ATE1: variants seen among roughly 807,000 people sequenced by gnomAD.
ATE1 encodes arginyltransferase 1.
Under a neutral mutation model 70.5 loss-of-function variants are expected in ATE1, and 36 were observed. That is an observed-to-expected ratio of 0.51 (90% CI 0.39 to 0.67). The LOEUF (loss-of-function observed/expected upper bound fraction) is 0.67. ATE1 is among the 30% of genes least tolerant of loss of function. The probability of loss-of-function intolerance (pLI) is 0.00; values close to 1 mark genes in which losing one functional copy is unlikely to be tolerated. For missense variants in ATE1, 593 were observed against 629.5 expected (o/e 0.94, Z 0.62); for synonymous variants, 232 against 219.3 (o/e 1.06, Z -0.51).
intron 7 of ATE1, among the ~76,000 whole-genome samples, chr10:121,870,262 T>TA (rs2134020224): frequency 6.6e-6 from 1 of 152,332 alleles, no homozygotes; most frequent in East Asian, 1.9e-4. Flanking sequence ...TAAATATTCT[T>TA]AAAAATCTAT....
chr10:121,766,187 G>A (rs1197135780), intron 11 of ATE1, among the ~76,000 whole-genome samples: 1 of 152,082 alleles, frequency 6.6e-6, no homozygotes, highest in Non-Finnish European at 1.5e-5. Flanking sequence ...AGTTTTACCA[G>A]GCAGTAAATT....
chr10:121,907,903 T>A (rs1951265666), intron 5 of ATE1, among the ~76,000 whole-genome samples: 1 of 151,928 alleles, frequency 6.6e-6, no homozygotes, highest in African/African-American at 2.4e-5. Flanking sequence ...TAATGTGCAC[T>A]CCTAATCTAG....
chr10:121,745,143 A>G (rs533663694), intron 11 of ATE1, among the ~76,000 whole-genome samples: 3 of 152,316 alleles, frequency 2.0e-5, no homozygotes, highest in South Asian at 4.1e-4. Flanking sequence ...TTAACCCAAT[A>G]TTACCTTAGG....
chr10:121,801,504 G>A (rs907010739), intron 10 of ATE1, among the ~76,000 whole-genome samples: 1 of 151,670 alleles, frequency 6.6e-6, no homozygotes, highest in Non-Finnish European at 1.5e-5. Flanking sequence ...AAGTTGAAAA[G>A]GATTTTTAAA....
At position 121,925,548 on chromosome 10, in the gene ATE1, C is replaced by T. The variant is rs893082425; in HGVS notation, c.107-1219G>A. On this transcript the variant is annotated intron_variant, in intron 1 of 11. Transcript: ENST00000224652. Reference sequence around the variant, plus strand: ...ATAATCACGCAACTATGAAAAAAAACGAAGACTATGAGGAAACATTTAAAG... The same window carrying T: ...ATAATCACGCAACTATGAAAAAAAATGAAGACTATGAGGAAACATTTAAAG... Among the ~76,000 whole-genome samples the T allele has an allele frequency of 2.0e-5, 3 of 151,268 alleles. No individual in the cohort carries two copies. The East Asian group carries it at 5.8e-4, about 29-fold the overall frequency.
chr10:121,743,914 T>TC, intron 11 of ATE1, 56 bp from the exon 12 acceptor site: 1 of 1,394,804 alleles, frequency 7.2e-7, no homozygotes, highest in Non-Finnish European at 9.5e-7. Context: ...ACTTTTTGTT[T>TC]CCTTTTTTTT....
intron 11 of ATE1, among the ~76,000 whole-genome samples, chr10:121,751,633 C>A (rs1185628687): frequency 6.6e-6 from 1 of 152,100 alleles, no homozygotes; most frequent in Non-Finnish European, 1.5e-5. Flanking sequence ...CTGTTTAAAT[C>A]ATTTGCCCAT....
chr10:121,758,849 TG>T (rs1052513017), intron 11 of ATE1, among the ~76,000 whole-genome samples: 2 of 152,194 alleles, frequency 1.3e-5, no homozygotes, highest in African/African-American at 4.8e-5. Flanking sequence ...GTAATTGGTT[TG>T]GGGTATCACA....
intron 11 of ATE1, among the ~76,000 whole-genome samples, chr10:121,754,961 G>A (rs1944733768): frequency 6.6e-6 from 1 of 152,098 alleles, no homozygotes; most frequent in Non-Finnish European, 1.5e-5. Flanking sequence ...AGAAATACTT[G>A]ATGAACACAA....
At chr10:121,835,715 T>G (rs530473540) in intron 10 of ATE1, among the ~76,000 whole-genome samples, 2 of 152,290 alleles carry the variant, frequency 1.3e-5, no homozygotes, top group Admixed American at 6.5e-5. Context: ...GCCCTTATCT[T>G]TTAGAAATAC....
At chr10:121,833,318 G>A (rs1355579561) in intron 10 of ATE1, among the ~76,000 whole-genome samples, 1 of 151,510 alleles carries the variant, frequency 6.6e-6, no homozygotes, top group Non-Finnish European at 1.5e-5. Flanking sequence ...AAAAAAAGAA[G>A]GCATTTCTCA....
chr10:121,892,281 A>T (rs1950606380), intron 7 of ATE1, among the ~76,000 whole-genome samples: 2 of 152,082 alleles, frequency 1.3e-5, no homozygotes, highest in Admixed American at 6.6e-5. Flanking sequence ...TCTCCTTAAT[A>T]GAACTATCAC....
At chr10:121,922,764 C>A (rs1464269595) in intron 2 of ATE1, among the ~76,000 whole-genome samples, 2 of 152,180 alleles carry the variant, frequency 1.3e-5, no homozygotes, top group Non-Finnish European at 2.9e-5. Flanking sequence ...TATGTGATGC[C>A]TGTGACAACC....
chr10:121,842,901 C>T (rs1485743770), intron 8 of ATE1, among the ~76,000 whole-genome samples: 1 of 152,136 alleles, frequency 6.6e-6, no homozygotes, highest in African/African-American at 2.4e-5. Context: ...TCACAGCATA[C>T]TCACTAGTAA....
At chr10:121,753,458 C>G (rs970429587) in intron 11 of ATE1, among the ~76,000 whole-genome samples, 20 of 152,120 alleles carry the variant, frequency 1.3e-4, no homozygotes, top group African/African-American at 4.6e-4. Context: ...CAAGATGATT[C>G]TAGCCAGAAA....
At chr10:121,819,414 G>A (rs1272608801) in intron 10 of ATE1, among the ~76,000 whole-genome samples, 1 of 152,124 alleles carries the variant, frequency 6.6e-6, no homozygotes, top group Non-Finnish European at 1.5e-5. Flanking sequence ...AACTGTGAGT[G>A]AGGGATAAAA....
chr10:121,876,776 G>C lies in ATE1; in HGVS notation c.943-6738C>G, dbSNP rs374840279. ...TGTCAGCAGATCGAGACCATCCTGG[G>C]TAACACAGTGAAACCCCGTCTCTAC... On this transcript the variant is annotated intron_variant, in intron 7 of 11. Transcript: ENST00000224652. 9.7e-3 allele frequency among the ~76,000 whole-genome samples: 1,473 copies of C among 152,052 alleles called. 9 individuals are homozygous for C. The highest frequency in any genetic ancestry group is 0.012 in the Non-Finnish European group (824 of 67,962).
chr10:121,747,654 A>G (rs1944423726), intron 11 of ATE1, among the ~76,000 whole-genome samples: 1 of 152,116 alleles, frequency 6.6e-6, no homozygotes, highest in South Asian at 2.1e-4. Context: ...GTTATCACCA[A>G]TTCCCTGCAT....
Position 121,899,989 on chromosome 10 carries a change from C to A in ATE1, c.819G>T (p.Arg273Ser), listed in dbSNP as rs779889930. 1.2e-6 allele frequency: 2 copies of A among 1,612,572 alleles called. No homozygotes were observed. The highest frequency in any genetic ancestry group is 1.1e-5 in the South Asian group (1 of 90,898). ...AACTTGGTGGAGATGATCTCACCAC[C>A]CTCACCTTCAGAAGCAGTTAAAAAA... Reference protein sequence around the residue: ...PENASHKLEVRVVRSSPPSSQ... With the variant: ...PENASHKLEVSVVRSSPPSSQ... Residue 273 changes from arginine to serine, a missense_variant, in exon 7 of 12, where the codon AGG (arginine) becomes AGT (serine). Around this residue, in one of 3 missense-constraint regions of ATE1, gnomAD observed 467 missense variants for 469.6 expected, o/e 0.99. Coordinates refer to ENST00000224652, the MANE Select transcript of ATE1 (RefSeq NM_001001976.3).
Sources: allele counts gnomAD v4.1 joint callset (sites outside exome capture counted in the v4.1 genomes callset), GRCh38; gene constraint gnomAD v4.1.1; regional missense constraint gnomAD v4.1.1; transcripts MANE v1.5; gene names NCBI Gene and HGNC (gene_info 2026-07-23, HGNC 2026-07-21).